SNX13: variants seen among roughly 807,000 people sequenced by gnomAD.
The protein encoded by SNX13 is sorting nexin-13.
A neutral mutation model predicts 133.6 loss-of-function variants in SNX13; 45 were observed. The observed-to-expected ratio is 0.34, with a 90% CI of 0.27 to 0.43. The LOEUF (loss-of-function observed/expected upper bound fraction) is 0.43, where lower values mean the gene tolerates loss of function less well. SNX13 is among the 20% of genes least tolerant of loss of function. The pLI, the probability that SNX13 is intolerant of heterozygous loss-of-function variation, is 1.00. For synonymous variants in SNX13, 414 were observed against 373.9 expected, an observed-to-expected ratio of 1.11 and a Z score of -1.24; for missense variants, 1,032 against 1,145.1, an observed-to-expected ratio of 0.90 and a Z score of 1.43.
Position 17,832,140 on chromosome 7 carries a change from G to A in SNX13, c.1597+1912C>T, listed in dbSNP as rs370522228. On this transcript the variant is annotated intron_variant, in intron 15 of 25. Coordinates refer to ENST00000428135, the MANE Select transcript of SNX13 (RefSeq NM_015132.5). ...GGGTTACTCAATAACTGATATATAA[G>A]AGAAGCATATTTACTTCAGATCAAA... is the stretch of plus-strand genomic sequence containing the variant. 22 of 984,052 alleles carry A rather than the reference G, an allele frequency of 2.2e-5. No individual in the cohort carries two copies. The South Asian group carries it at 6.1e-4, about 27-fold the overall frequency. The allele number at this position is 984,052 out of a possible 1,614,324, so 61.0% of individuals were successfully genotyped here.
Position 17,839,923 on chromosome 7 carries a change from G to T in SNX13, c.1243C>A (p.Gln415Lys), listed in dbSNP as rs1789671176. 1 of 1,612,018 alleles carries T rather than the reference G, an allele frequency of 6.2e-7. No individual in the cohort carries two copies. Among genetic ancestry groups the T allele is most frequent in the Non-Finnish European group, 8.5e-7 (1 of 1,178,740 alleles). The part of the protein sequence containing the change: ...TVEGYRVTAQ[Q>K]QLEVLLSRQR... The stretch of plus-strand genomic sequence containing the variant: ...CGACTTAATAAAACTTCTAGCTGCT[G>T]TTGGGCGGTAACCCGGTATCCTTCC... The change falls in exon 13 of 26, where the codon CAG (glutamine) becomes AAG (lysine). Residue 415 changes from glutamine to lysine, a missense_variant. By Grantham distance (53) the Gln-to-Lys change is moderately conservative. Coordinates refer to ENST00000428135, the MANE Select transcript of SNX13 (RefSeq NM_015132.5).
chr7:17,812,952 C>T (rs1332192790), intron 20 of SNX13, among the ~76,000 whole-genome samples: 1 of 151,946 alleles, frequency 6.6e-6, no homozygotes, highest in Non-Finnish European at 1.5e-5. Context: ...AAACATCATA[C>T]ACCGGGCCTG....
At chr7:17,875,088 C>G (rs2128354790) in intron 7 of SNX13, among the ~76,000 whole-genome samples, 1 of 152,234 alleles carries the variant, frequency 6.6e-6, no homozygotes, top group East Asian at 1.9e-4. Flanking sequence ...GTCACTGCAG[C>G]CTTGACTTCC....
intron 1 of SNX13, among the ~76,000 whole-genome samples, chr7:17,919,861 T>C (rs989043248): frequency 1.3e-5 from 2 of 152,144 alleles, no homozygotes. Flanking sequence ...CTGGACAGGG[T>C]AGCTCACACC....
intron 20 of SNX13, among the ~76,000 whole-genome samples, chr7:17,805,266 CATG>C (rs1785160677): frequency 8.0e-6 from 1 of 125,642 alleles, no homozygotes; most frequent in African/African-American, 3.1e-5. Flanking sequence ...CGCGCGCGCG[CATG>C]CATGCACATG....
At chr7:17,925,870 A>G (rs1800692183) in intron 1 of SNX13, among the ~76,000 whole-genome samples, 1 of 152,198 alleles carries the variant, frequency 6.6e-6, no homozygotes, top group Admixed American at 6.6e-5. Context: ...TTAAAGAAAC[A>G]TAACAATCAC....
intron 5 of SNX13, among the ~76,000 whole-genome samples, chr7:17,876,267 T>A (rs184548215): frequency 5.9e-5 from 9 of 152,188 alleles, no homozygotes; most frequent in Non-Finnish European, 8.8e-5. Context: ...AACGTTCTGT[T>A]TGAATACACT....
At chr7:17,905,704 C>G (rs1014780226) in intron 1 of SNX13, among the ~76,000 whole-genome samples, 2 of 152,196 alleles carry the variant, frequency 1.3e-5, no homozygotes, top group Non-Finnish European at 2.9e-5. Flanking sequence ...AGTGTACCCA[C>G]AGGGAAAGTA....
intron 10 of SNX13, 124 bp downstream of exon 10, chr7:17,850,702 A>G: frequency 2.6e-6 from 2 of 784,290 alleles, no homozygotes; most frequent in African/African-American, 3.6e-5. Context: ...TTAACCTAAT[A>G]AGGAAGATTT....
intron 15 of SNX13, among the ~76,000 whole-genome samples, chr7:17,833,051 A>G (rs1788702576): frequency 6.6e-6 from 1 of 151,612 alleles, no homozygotes; most frequent in African/African-American, 2.4e-5. Flanking sequence ...GTAAACAGTC[A>G]TAACTGAAGC....
At position 17,903,873 on chromosome 7, in the gene SNX13, G is replaced by A. The variant is rs538561785; in HGVS notation, c.13-6427C>T. ...AATAAGTGAATATAATAAATTCCTG[G>A]TCTGAAAATCAATTTATCCATGTAT... On this transcript the variant is annotated intron_variant, in intron 1 of 25. Transcript: ENST00000428135. Among the ~76,000 whole-genome samples the A allele has an allele frequency of 6.0e-4, 92 of 152,174 alleles. No homozygotes were observed. The South Asian group carries it at 0.018, about 29-fold the overall frequency.
At chr7:17,916,538 C>T (rs2714855) in intron 1 of SNX13, among the ~76,000 whole-genome samples, 61,738 of 151,856 alleles carry the variant, frequency 0.41, 13,041 homozygotes, top group East Asian at 0.62. Flanking sequence ...TGTATGTACA[C>T]AAACAAGAAA....
intron 1 of SNX13, among the ~76,000 whole-genome samples, chr7:17,904,660 T>C (rs1279378647): frequency 6.6e-6 from 1 of 152,184 alleles, no homozygotes; most frequent in Non-Finnish European, 1.5e-5. Context: ...TTTAAATACA[T>C]TATATGGCTT....
At chr7:17,888,527 A>T (rs1398153271) in intron 5 of SNX13, 5 of 255,726 alleles carry the variant, frequency 2.0e-5, no homozygotes, top group South Asian at 7.4e-5. Context: ...TTTGATTCTA[A>T]CTCACTAGAT....
chr7:17,912,558 C>G (rs2128022130), intron 1 of SNX13, among the ~76,000 whole-genome samples: 1 of 152,092 alleles, frequency 6.6e-6, no homozygotes, highest in South Asian at 2.1e-4. Flanking sequence ...TTACAGGCGC[C>G]CACCACCACA....
intron 20 of SNX13, among the ~76,000 whole-genome samples, chr7:17,810,698 A>T (rs1421477658): frequency 2.6e-5 from 4 of 152,212 alleles, no homozygotes; most frequent in Non-Finnish European, 2.9e-5. Context: ...GACACAACAA[A>T]AAAAGAGAAA....
intron 1 of SNX13, among the ~76,000 whole-genome samples, chr7:17,922,439 G>T (rs1415087490): frequency 6.6e-6 from 1 of 152,174 alleles, no homozygotes; most frequent in Non-Finnish European, 1.5e-5. Flanking sequence ...GTTCAGTGTT[G>T]TCTCATGCCA....
intron 3 of SNX13, among the ~76,000 whole-genome samples, chr7:17,891,864 A>G (rs1429394831): frequency 1.3e-5 from 2 of 152,076 alleles, no homozygotes; most frequent in African/African-American, 4.8e-5. Context: ...AATTATTTAG[A>G]ATGTGGGAAA....
At chr7:17,895,943 C>T (rs990983982) in intron 2 of SNX13, among the ~76,000 whole-genome samples, 1 of 152,108 alleles carries the variant, frequency 6.6e-6, no homozygotes, top group Non-Finnish European at 1.5e-5. Context: ...TTCCTTCAAT[C>T]TTACAAGGGC....
Sources: gnomAD v4.1 joint callset for allele counts (sites outside exome capture counted in the v4.1 genomes callset) on GRCh38, gnomAD v4.1.1 for gene constraint, MANE v1.5 for transcripts, NCBI Gene and HGNC (gene_info 2026-07-23, HGNC 2026-07-21) for gene names.